L2HGDH: variants seen among roughly 807,000 people sequenced by gnomAD.
L2HGDH encodes the protein L-2-hydroxyglutarate dehydrogenase, mitochondrial.
In L2HGDH, 34 loss-of-function variants were observed where a neutral mutation model predicts 51.5. That is an observed-to-expected ratio of 0.66 (90% CI 0.50 to 0.88). The LOEUF is 0.88. Ranked by LOEUF, L2HGDH falls within the 40% of genes least tolerant of loss-of-function variation. The pLI, the probability that L2HGDH is intolerant of heterozygous loss-of-function variation, is 0.00. For synonymous variants in L2HGDH, 198 were observed against 197.9 expected (o/e 1.00, Z -0.01); for missense variants, 558 against 571.9 (o/e 0.98, Z 0.25).
At chr14:50,295,701 C>T (rs1403545912) in intron 3 of L2HGDH, among the ~76,000 whole-genome samples, 1 of 149,146 alleles carries the variant, frequency 6.7e-6, no homozygotes, top group African/African-American at 2.5e-5. Context: ...GGATTACAGG[C>T]ATAAGCCACT....
At chr14:50,311,962 C>T (rs1349199079) in intron 1 of L2HGDH, 49 bp downstream of exon 1, 5 of 1,540,378 alleles carry the variant, frequency 3.2e-6, no homozygotes, top group Non-Finnish European at 4.4e-6. Context: ...CCAGGTGCCT[C>T]CGCGAGGGGC....
intron 6 of L2HGDH, among the ~76,000 whole-genome samples, chr14:50,275,749 T>C (rs1366592738): frequency 6.6e-6 from 1 of 152,190 alleles, no homozygotes; most frequent in Non-Finnish European, 1.5e-5. Context: ...GTGACTAATA[T>C]ATGGTATTGT....
Position 50,298,609 on chromosome 14 carries a change from C to T in L2HGDH, c.408+3408G>A, listed in dbSNP as rs1399818634. Among the ~76,000 whole-genome samples, 7 of 152,092 alleles carry T rather than the reference C, an allele frequency of 4.6e-5. No individual in the cohort carries two copies. In the East Asian group the frequency reaches 5.8e-4, roughly 13 times the overall value. ...GATTAGGGGTGCGAGCCACCATGCCCGGCCGGGAGGTCAAGGCTGCAGTGA... is the reference window on the plus strand; with the variant it reads ...GATTAGGGGTGCGAGCCACCATGCCTGGCCGGGAGGTCAAGGCTGCAGTGA... On this transcript the variant is annotated intron_variant, in intron 3 of 9. Coordinates refer to ENST00000267436, the MANE Select transcript of L2HGDH (RefSeq NM_024884.3).
chr14:50,264,797 T>G (rs576145454), intron 9 of L2HGDH, among the ~76,000 whole-genome samples: 1 of 152,160 alleles, frequency 6.6e-6, no homozygotes, highest in East Asian at 1.9e-4. Context: ...AATATGTGGG[T>G]GATAAAATAA....
At chr14:50,289,060 T>C (rs1186344634) in intron 4 of L2HGDH, among the ~76,000 whole-genome samples, 1 of 152,198 alleles carries the variant, frequency 6.6e-6, no homozygotes, top group East Asian at 1.9e-4. Flanking sequence ...CATAGAAAAA[T>C]TGAGCAAAAA....
At chr14:50,258,390 T>A (rs1888801872) in intron 9 of L2HGDH, among the ~76,000 whole-genome samples, 1 of 152,072 alleles carries the variant, frequency 6.6e-6, no homozygotes, top group Non-Finnish European at 1.5e-5. Flanking sequence ...TAATTGTTTT[T>A]TAAAAATATT....
chr14:50,271,501 C>T lies in L2HGDH; in HGVS notation c.739-2171G>A, dbSNP rs533730429. Among the ~76,000 whole-genome samples, 23 of 152,202 alleles carry T rather than the reference C, an allele frequency of 1.5e-4. No homozygotes were observed. The South Asian group carries it at 4.8e-3, about 32-fold the overall frequency. ...TTCAGTAACATATTAATTTTACCTC[C>T]AAATTAAAATTTAGGTAACCATCAA... On this transcript the variant is annotated intron_variant, in intron 6 of 9. Coordinates refer to ENST00000267436, the MANE Select transcript of L2HGDH (RefSeq NM_024884.3).
intron 2 of L2HGDH, 46 bp from the exon 3 acceptor site, chr14:50,302,214 C>A: frequency 6.3e-7 from 1 of 1,596,366 alleles, no homozygotes; most frequent in East Asian, 2.2e-5. Context: ...ATGATTCATA[C>A]AAAACATAAG....
intron 9 of L2HGDH, among the ~76,000 whole-genome samples, chr14:50,259,084 A>C (rs998521073): frequency 4.1e-5 from 6 of 146,290 alleles, no homozygotes; most frequent in Non-Finnish European, 6.0e-5. Context: ...TGAACTCCTC[A>C]GGTCAAACAA....
In L2HGDH at chr14:50,271,812, C is replaced by T. The variant is rs114521909; in HGVS notation, c.739-2482G>A. Among the ~76,000 whole-genome samples the T allele has an allele frequency of 2.0e-3, 300 of 152,084 alleles. 1 individual carries two copies. The highest frequency in any genetic ancestry group is 6.4e-3 in the African/African-American group (266 of 41,476). ...CCCTCCCCATATCCAATGTATAAAC[C>T]TTTAATTAGCAAATCCTACCTGCAA... On this transcript the variant is annotated intron_variant, in intron 6 of 9. Transcript: ENST00000267436.
chr14:50,261,954 G>A (rs528661995), intron 9 of L2HGDH, among the ~76,000 whole-genome samples: 1 of 152,168 alleles, frequency 6.6e-6, no homozygotes, highest in Non-Finnish European at 1.5e-5. Context: ...CCCTTCAGTG[G>A]TTAATGAAAT....
chr14:50,307,304 G>A (rs1595154408), intron 1 of L2HGDH, among the ~76,000 whole-genome samples: 3 of 152,206 alleles, frequency 2.0e-5, no homozygotes, highest in Admixed American at 2.0e-4. Context: ...CCAACTACAT[G>A]TGCCACCCTT....
intron 1 of L2HGDH, among the ~76,000 whole-genome samples, chr14:50,310,441 TCA>T (rs1366152173): frequency 6.6e-6 from 1 of 151,546 alleles, no homozygotes; most frequent in Non-Finnish European, 1.5e-5. Context: ...GCACGGTGGC[TCA>T]CACCTGTAAT....
intron 4 of L2HGDH, chr14:50,287,109 G>T (rs12886516): frequency 0.27 from 229,372 of 855,298 alleles, 32,622 homozygotes; most frequent in South Asian, 0.3. Context: ...TCATTTATAA[G>T]ACACAAAAAT....
In L2HGDH at chr14:50,244,417, G is replaced by GT; in HGVS notation, c.*2640dup. On this transcript the variant is annotated 3_prime_UTR_variant, in exon 10 of 10. Transcript: ENST00000267436. The stretch of plus-strand genomic sequence containing the variant: ...GCTTCAATTAGGACAATCATTTTTT[G>GT]TAATTCAATGTTTACAACTTAGTAT... 1 of 985,250 alleles carries GT rather than the reference G, an allele frequency of 1.0e-6. No individual in the cohort carries two copies. The highest frequency in any genetic ancestry group is 4.7e-5 in the South Asian group (1 of 21,278). 61.0% of individuals were successfully genotyped at this position (985,250 alleles called of 1,614,324 possible).
At chr14:50,256,032 C>T (rs1888648938) in intron 9 of L2HGDH, among the ~76,000 whole-genome samples, 1 of 151,920 alleles carries the variant, frequency 6.6e-6, no homozygotes, top group Admixed American at 6.6e-5. Context: ...TGTCCAGAAA[C>T]AAGAACAGCT....
chr14:50,280,325 C>T (rs572748669), intron 5 of L2HGDH, among the ~76,000 whole-genome samples: 1 of 152,108 alleles, frequency 6.6e-6, no homozygotes, highest in African/African-American at 2.4e-5. Flanking sequence ...TATCACCACA[C>T]CCGGCTAATT....
intron 3 of L2HGDH, among the ~76,000 whole-genome samples, chr14:50,296,439 G>A (rs1281035999): frequency 6.9e-5 from 9 of 130,474 alleles, no homozygotes; most frequent in African/African-American, 2.7e-4. Flanking sequence ...AGAAATAAAA[G>A]GACTTATAAA....
chr14:50,275,108 A>G (rs573106472), intron 6 of L2HGDH, among the ~76,000 whole-genome samples: 2 of 152,348 alleles, frequency 1.3e-5, no homozygotes, highest in Non-Finnish European at 2.9e-5. Flanking sequence ...ATTTGCTAAG[A>G]TAACAAATCT....
Sources: gnomAD v4.1 joint callset for allele counts (sites outside exome capture counted in the v4.1 genomes callset) on GRCh38, gnomAD v4.1.1 for gene constraint, MANE v1.5 for transcripts, NCBI Gene and HGNC (gene_info 2026-07-23, HGNC 2026-07-21) for gene names.